MYO19: variants seen among roughly 807,000 people sequenced by gnomAD.
MYO19 encodes the protein myosin XIX.
MYO19 carries 132 observed loss-of-function variants against 129.2 expected under a neutral mutation model. The observed-to-expected ratio is 1.02, with a 90% CI of 0.89 to 1.18. The LOEUF is 1.18. Ranked by LOEUF, MYO19 falls within the 50% of genes most tolerant of loss-of-function variation. MYO19 has a pLI of 0.00. For missense variants in MYO19, 1,210 were observed against 1,216.7 expected, an observed-to-expected ratio of 0.99 and a Z score of 0.08; for synonymous variants, 531 against 477.2, an observed-to-expected ratio of 1.11 and a Z score of -1.47.
upstream of MYO19, chr17:36,538,750 A>C (rs1231871968): frequency 1.3e-6 from 1 of 767,718 alleles, no homozygotes; most frequent in East Asian, 2.8e-5. Context: ...AACAGCAGTG[A>C]TGCTTAATTA....
intron 11 of MYO19, 185 bp downstream of exon 11, chr17:36,513,244 T>C: frequency 2.7e-6 from 4 of 1,460,434 alleles, no homozygotes; most frequent in Non-Finnish European, 3.6e-6. Context: ...TTATGCCCCG[T>C]CCACCCCACC....
At chr17:36,533,139 T>C (rs2073926792) in intron 2 of MYO19, 1 of 152,824 alleles carries the variant, frequency 6.5e-6, no homozygotes, top group Non-Finnish European at 1.5e-5. Flanking sequence ...GTCAGGCACA[T>C]CACCTACCTC....
exon 2 of MYO19, chr17:36,542,150 A>T (rs1309189912): frequency 6.6e-6 from 1 of 152,210 alleles, no homozygotes; most frequent in Admixed American, 6.5e-5. Context: ...AAAGATACTA[A>T]GTATGCCCGG....
At chr17:36,527,985 T>C (rs2073584551) in intron 4 of MYO19, 79 bp downstream of exon 4, 3 of 1,547,348 alleles carry the variant, frequency 1.9e-6, no homozygotes, top group Non-Finnish European at 8.8e-7. Context: ...CCGTCTGACC[T>C]GGAGAAGCTG....
intron 6 of MYO19, among the ~76,000 whole-genome samples, chr17:36,522,634 C>A (rs2073207841): frequency 2.0e-5 from 3 of 152,098 alleles, no homozygotes; most frequent in Admixed American, 2.0e-4. Context: ...CTTTGGGAGG[C>A]CAACGCGGGA....
chr17:36,526,590 C>T (rs1181846351), intron 5 of MYO19, among the ~76,000 whole-genome samples: 4 of 152,110 alleles, frequency 2.6e-5, no homozygotes. Context: ...TCATTCTTTC[C>T]TAAAAAGGTA....
intron 6 of MYO19, among the ~76,000 whole-genome samples, chr17:36,521,396 C>T (rs1196992898): frequency 6.6e-6 from 1 of 151,546 alleles, no homozygotes; most frequent in Non-Finnish European, 1.5e-5. Flanking sequence ...TTCGAAGTTC[C>T]AAAGAATTGG....
At chr17:36,515,612 G>T (rs1021505867) in intron 7 of MYO19, among the ~76,000 whole-genome samples, 1 of 152,168 alleles carries the variant, frequency 6.6e-6, no homozygotes, top group Non-Finnish European at 1.5e-5. Context: ...AAGCCACCAG[G>T]TCTTCTCCAG....
intron 6 of MYO19, among the ~76,000 whole-genome samples, chr17:36,524,541 C>T (rs1357678442): frequency 6.6e-6 from 1 of 152,238 alleles, no homozygotes; most frequent in Non-Finnish European, 1.5e-5. Context: ...CATCTGTATG[C>T]AACATCCTGT....
At chr17:36,507,720 A>G in intron 15 of MYO19, 83 bp downstream of exon 15, 1 of 1,463,932 alleles carries the variant, frequency 6.8e-7, no homozygotes, top group Non-Finnish European at 9.1e-7. Context: ...GCTTCTAATC[A>G]GAACCTGGAC....
chr17:36,505,203 A>G (rs761019363), intron 19 of MYO19, 94 bp downstream of exon 19: 1 of 1,114,682 alleles, frequency 9.0e-7, no homozygotes, highest in Non-Finnish European at 1.4e-6. Context: ...ACTTCTGTGC[A>G]CTCCATTTGG....
At chr17:36,505,156 T>G (rs1281047993) in intron 19 of MYO19, 141 bp downstream of exon 19, 1 of 813,698 alleles carries the variant, frequency 1.2e-6, no homozygotes, top group Non-Finnish European at 2.2e-6. Context: ...GCAAGGGAGA[T>G]GGGTCCTCTC....
chr17:36,505,099 G>C, intron 19 of MYO19, 198 bp downstream of exon 19: 1 of 758,322 alleles, frequency 1.3e-6, no homozygotes, highest in East Asian at 2.5e-5. Flanking sequence ...TCCCTGGCTA[G>C]GCTACTATGC....
At chr17:36,499,456 C>T in intron 23 of MYO19, 1 of 261,268 alleles carries the variant, frequency 3.8e-6, no homozygotes, top group South Asian at 4.7e-5. Context: ...GGGTCCAGGT[C>T]AGCACCCAGG....
Position 36,495,816 on chromosome 17 carries a change from T to C in MYO19, c.*435A>G. On this transcript the variant is annotated 3_prime_UTR_variant, in exon 26 of 26. Coordinates refer to ENST00000614623, the MANE Select transcript of MYO19 (RefSeq NM_001163735.2). ...ACATTAAATAAATCAACTAATTAAA[T>C]ACTAAAGTTTTGTTCCTTTTTAAAG... The C allele has an allele frequency of 3.0e-5, 37 of 1,241,792 alleles. No homozygotes were observed. The highest frequency in any genetic ancestry group is 6.2e-5 in the African/African-American group (4 of 64,744). The allele number at this position is 1,241,792 out of a possible 1,614,324, so 76.9% of individuals were successfully genotyped here.
Position 36,527,625 on chromosome 17 carries a change from T to C in MYO19, c.226A>G (p.Asn76Asp), listed in dbSNP as rs1300278267. ...TNAGCTLVAL[N>D]PFKPVPQLYS... ...AGCTGAGGAACAGGCTTGAAGGGGT[T>C]CAAGGCTACCAGGGTGCAGCCAGCA... The change falls in exon 5 of 26, where the codon AAC becomes GAC. Residue 76 changes from asparagine to aspartate, a missense_variant. By Grantham distance (23) the Asn-to-Asp change is conservative. Transcript: ENST00000614623. The C allele has an allele frequency of 1.2e-6, 2 of 1,613,958 alleles. No individual in the cohort carries two copies. Among genetic ancestry groups the C allele is most frequent in the South Asian group, 2.2e-5 (2 of 91,072 alleles).
upstream of MYO19, among the ~76,000 whole-genome samples, chr17:36,544,650 A>C (rs1161107781): frequency 6.6e-6 from 1 of 152,152 alleles, no homozygotes; most frequent in Non-Finnish European, 1.5e-5. Flanking sequence ...TCCGTGGGGA[A>C]GCCTTCCCGG....
chr17:36,506,500 C>G lies in MYO19; in HGVS notation c.1753G>C (p.Gly585Arg). Residue 585 changes from glycine (G) to arginine (R), a missense_variant, in exon 18 of 26, where the codon GGC becomes CGC. Transcript: ENST00000614623. ...GTCAACACAGGGGCCCTGCTCTGGC[C>G]AGGGGGTTCCTCCTGGGTCTTCTCT... ...PKEKTQEEPP[G>R]QSRAPVLTVV... 2 of 1,611,424 alleles carry G rather than the reference C, an allele frequency of 1.2e-6. No homozygotes were observed. Among genetic ancestry groups the G allele is most frequent in the Non-Finnish European group, 1.7e-6 (2 of 1,179,040 alleles).
intron 5 of MYO19, among the ~76,000 whole-genome samples, chr17:36,525,748 TAA>T (rs2073424540): frequency 6.6e-6 from 1 of 152,202 alleles, no homozygotes; most frequent in Non-Finnish European, 1.5e-5. Context: ...TCAGAGGAGT[TAA>T]ATAACCTTGC....
Sources: gnomAD v4.1 joint callset for allele counts (sites outside exome capture counted in the v4.1 genomes callset) on GRCh38, gnomAD v4.1.1 for gene constraint, MANE v1.5 for transcripts, NCBI Gene and HGNC (gene_info 2026-07-23, HGNC 2026-07-21) for gene names.